AMPH: variants seen among roughly 807,000 people sequenced by gnomAD.
AMPH encodes the protein amphiphysin (Stiff-Mann syndrome with breast cancer 128kD autoantigen).
In AMPH, 49 loss-of-function variants were observed where a neutral mutation model predicts 99.1. The ratio of observed to expected loss-of-function variants is 0.49; its 90% CI spans 0.39 to 0.63. The LOEUF (loss-of-function observed/expected upper bound fraction) is 0.63, where lower values mean the gene tolerates loss of function less well. Among genes scored for constraint, AMPH ranks in the 20% least tolerant of loss-of-function variants. The probability of loss-of-function intolerance (pLI) is 0.00; values close to 1 mark genes in which losing one functional copy is unlikely to be tolerated. For synonymous variants in AMPH, 314 were observed against 317.3 expected (o/e 0.99, Z 0.11); for missense variants, 759 against 863.4 (o/e 0.88, Z 1.52).
intron 2 of AMPH, among the ~76,000 whole-genome samples, chr7:38,508,348 G>C (rs755842076): frequency 2.2e-4 from 34 of 152,170 alleles, no homozygotes; most frequent in Non-Finnish European, 4.4e-4. Flanking sequence ...AAAGCAATAG[G>C]AGTTTAATAC....
chr7:38,408,686 G>A (rs1785125612), intron 17 of AMPH, among the ~76,000 whole-genome samples: 1 of 150,656 alleles, frequency 6.6e-6, no homozygotes, highest in South Asian at 2.1e-4. Context: ...GGGAGGTGGA[G>A]CTTGCAGTGA....
At chr7:38,524,951 T>C (rs538521099) in intron 2 of AMPH, among the ~76,000 whole-genome samples, 1 of 152,078 alleles carries the variant, frequency 6.6e-6, no homozygotes, top group African/African-American at 2.4e-5. Context: ...ACTCAGCTTG[T>C]TTATGTTCCC....
At chr7:38,544,383 C>T (rs1321916735) in intron 1 of AMPH, among the ~76,000 whole-genome samples, 1 of 152,148 alleles carries the variant, frequency 6.6e-6, no homozygotes, top group Non-Finnish European at 1.5e-5. Context: ...ATCAGGCCAC[C>T]AAGGTGTCCC....
At position 38,601,101 on chromosome 7, in the gene AMPH, C is replaced by T. The variant is rs112652831; in HGVS notation, c.69+30182G>A. On this transcript the variant is annotated intron_variant, in intron 1 of 20. Transcript: ENST00000356264. ...TCTCCTGCTCCAAAACAGCCTTTCCCATTGTCAGTGAGCAGTGCCACCTTA... is the reference window on the plus strand; with the variant it reads ...TCTCCTGCTCCAAAACAGCCTTTCCTATTGTCAGTGAGCAGTGCCACCTTA... 6.4e-3 allele frequency among the ~76,000 whole-genome samples: 977 copies of T among 152,306 alleles called. 7 individuals are homozygous for T. Among genetic ancestry groups the T allele is most frequent in the African/African-American group, 0.023 (936 of 41,548 alleles).
At chr7:38,450,886 A>C (rs1025197684) in intron 11 of AMPH, among the ~76,000 whole-genome samples, 11 of 149,004 alleles carry the variant, frequency 7.4e-5, no homozygotes, top group Non-Finnish European at 1.5e-4. Context: ...CCAATCCAAA[A>C]CACTTTCTTT....
intron 17 of AMPH, among the ~76,000 whole-genome samples, chr7:38,405,233 G>A (rs1784950672): frequency 6.6e-6 from 1 of 152,136 alleles, no homozygotes; most frequent in Non-Finnish European, 1.5e-5. Context: ...GGAAGGGGAA[G>A]GATGATACCA....
intron 2 of AMPH, among the ~76,000 whole-genome samples, chr7:38,532,520 T>A (rs3800795): frequency 1.3e-5 from 2 of 151,942 alleles, no homozygotes; most frequent in African/African-American, 4.8e-5. Context: ...GTGGTAGTCT[T>A]CATGGGTGCT....
chr7:38,405,596 C>A (rs556778183), intron 17 of AMPH, among the ~76,000 whole-genome samples: 16 of 152,070 alleles, frequency 1.1e-4, no homozygotes, highest in African/African-American at 2.6e-4. Context: ...ATTAAAAAGA[C>A]AAAGACAGCA....
intron 5 of AMPH, among the ~76,000 whole-genome samples, chr7:38,478,870 G>A (rs1255863321): frequency 6.6e-6 from 1 of 151,794 alleles, no homozygotes; most frequent in Non-Finnish European, 1.5e-5. Flanking sequence ...AAAAAGCTGA[G>A]GAAATAAATA....
At chr7:38,406,717 TCTCTCTCCCTTTCC>T (rs1297281019) in intron 17 of AMPH, among the ~76,000 whole-genome samples, 1 of 118,746 alleles carries the variant, frequency 8.4e-6, no homozygotes, top group African/African-American at 2.9e-5. Context: ...TCCTCTCCTC[TCTCTCTCCCTTTCC>T]CTCTCTCTCT....
intron 2 of AMPH, among the ~76,000 whole-genome samples, chr7:38,533,316 A>C (rs1790482622): frequency 6.6e-6 from 1 of 152,118 alleles, no homozygotes. Context: ...GGCCATGATC[A>C]ATTTTTCTCT....
At chr7:38,400,188 G>A (rs59548685) in intron 17 of AMPH, among the ~76,000 whole-genome samples, 3,166 of 152,226 alleles carry the variant, frequency 0.021, 97 homozygotes, top group African/African-American at 0.072. Context: ...CGATTTTCCT[G>A]CCTCAGTCTC....
intron 2 of AMPH, among the ~76,000 whole-genome samples, chr7:38,520,462 A>G (rs1259187776): frequency 6.6e-6 from 1 of 152,250 alleles, no homozygotes; most frequent in Non-Finnish European, 1.5e-5. Context: ...CAAGCAGGCA[A>G]GTCAAAACTG....
intron 1 of AMPH, among the ~76,000 whole-genome samples, chr7:38,610,214 C>A (rs1584301760): frequency 1.1e-5 from 1 of 87,268 alleles, no homozygotes; most frequent in Admixed American, 1.4e-4. Flanking sequence ...CCAGCCCGGG[C>A]AACAAAAGCT....
intron 7 of AMPH, among the ~76,000 whole-genome samples, chr7:38,471,649 G>A (rs930321422): frequency 6.6e-6 from 1 of 152,104 alleles, no homozygotes; most frequent in Non-Finnish European, 1.5e-5. Flanking sequence ...AAAGGTAAAT[G>A]GACTGAGCAC....
At chr7:38,599,085 C>A (rs1040394868) in intron 1 of AMPH, among the ~76,000 whole-genome samples, 1 of 152,146 alleles carries the variant, frequency 6.6e-6, no homozygotes, top group Non-Finnish European at 1.5e-5. Flanking sequence ...AGTTACTTAA[C>A]ATAAATCTTT....
rs761825136 is a variant in AMPH at position 38,465,499 on chromosome 7, G to A, written c.717C>T (p.Ala239=). 2.5e-6 allele frequency: 4 copies of A among 1,584,958 alleles called. No homozygotes were observed. The highest frequency in any genetic ancestry group is 1.7e-4 in the Middle Eastern group (1 of 6,012). The change falls in exon 9 of 21, where the codon GCC becomes GCT. Residue 239 remains alanine, a synonymous_variant. Transcript: ENST00000356264. ...CTCCTTGGATGGTGAAGGCCTTGTCGGCGTGCTGGTCACCCAGTTTTGTCA... is the reference window on the plus strand; with the variant it reads ...CTCCTTGGATGGTGAAGGCCTTGTCAGCGTGCTGGTCACCCAGTTTTGTCA... ...EVMTKLGDQH[A]DKAFTIQGAP... is the part of the protein sequence containing the mutation.
At chr7:38,390,349 A>T (rs968831943) in intron 19 of AMPH, among the ~76,000 whole-genome samples, 28 of 151,850 alleles carry the variant, frequency 1.8e-4, no homozygotes, top group African/African-American at 6.8e-4. Flanking sequence ...GTGTAAATAT[A>T]TTTCCTTCCT....
intron 3 of AMPH, among the ~76,000 whole-genome samples, chr7:38,500,027 A>G (rs530180644): frequency 6.6e-6 from 1 of 152,228 alleles, no homozygotes; most frequent in Non-Finnish European, 1.5e-5. Flanking sequence ...TTTATAAATT[A>G]CCCAGTCTGG....
Sources: gnomAD v4.1 joint callset for allele counts (sites outside exome capture counted in the v4.1 genomes callset) on GRCh38, gnomAD v4.1.1 for gene constraint, MANE v1.5 for transcripts, NCBI Gene and HGNC (gene_info 2026-07-23, HGNC 2026-07-21) for gene names.